The following ANXA2 variants were observed in gnomAD, a reference collection of about 807,000 sequenced individuals.
ANXA2 encodes annexin A2.
In ANXA2, 28 loss-of-function variants were observed where a neutral mutation model predicts 47.3. The ratio of observed to expected loss-of-function variants is 0.59; its 90% CI spans 0.44 to 0.81. ANXA2 has a LOEUF of 0.81. Among genes scored for constraint, ANXA2 ranks in the 40% least tolerant of loss-of-function variants. ANXA2 has a pLI of 0.00. For synonymous variants in ANXA2, 172 were observed against 155.5 expected (o/e 1.11, Z -0.79); for missense variants, 384 against 414.3 (o/e 0.93, Z 0.64).
chr15:60,358,409 T>G (rs769387520), intron 5 of ANXA2, among the ~76,000 whole-genome samples: 1 of 152,214 alleles, frequency 6.6e-6, no homozygotes, highest in Non-Finnish European at 1.5e-5. Flanking sequence ...AACTATCACT[T>G]TGAACTAAGT....
chr15:60,356,037 G>C, intron 6 of ANXA2, 39 bp from the exon 7 acceptor site: 3 of 1,523,850 alleles, frequency 2.0e-6, no homozygotes, highest in Non-Finnish European at 1.8e-6. Flanking sequence ...CTTTCTGCCT[G>C]TGTAGCCAAC....
At chr15:60,353,253 C>T (rs1296082977) in intron 8 of ANXA2, among the ~76,000 whole-genome samples, 2 of 152,130 alleles carry the variant, frequency 1.3e-5, no homozygotes, top group African/African-American at 4.8e-5. Context: ...TCTGAATAAG[C>T]TTAACAAATA....
At chr15:60,366,737 C>T (rs1270238227) in intron 3 of ANXA2, among the ~76,000 whole-genome samples, 87 of 124,894 alleles carry the variant, frequency 7.0e-4, no homozygotes, top group Non-Finnish European at 1.3e-3. Flanking sequence ...CTCCTCTGCC[C>T]GGCCGCCCCT....
intron 2 of ANXA2, 197 bp from the exon 3 acceptor site, chr15:60,382,638 G>C: frequency 2.3e-6 from 1 of 441,686 alleles, no homozygotes; most frequent in South Asian, 2.9e-5. Context: ...TTCTTCAAAG[G>C]CTCAGCTAGT....
intron 7 of ANXA2, chr15:60,355,639 C>T (rs2062416910): frequency 6.0e-6 from 3 of 497,592 alleles, no homozygotes; most frequent in Admixed American, 6.4e-5. Flanking sequence ...CTAAGTCACA[C>T]GGCCAAGGCT....
intron 10 of ANXA2, 185 bp from the exon 11 acceptor site, chr15:60,351,436 T>C: frequency 1.5e-6 from 1 of 666,370 alleles, no homozygotes; most frequent in Non-Finnish European, 2.6e-6. Flanking sequence ...CACCACGGTT[T>C]TAAACCAGGG....
At chr15:60,393,941 T>G (rs1297925801) in intron 1 of ANXA2, among the ~76,000 whole-genome samples, 1 of 152,140 alleles carries the variant, frequency 6.6e-6, no homozygotes, top group Admixed American at 6.5e-5. Flanking sequence ...CAACACACTC[T>G]CCTTCCTCAA....
chr15:60,385,893 GA>G (rs1449993113), intron 2 of ANXA2, 134 bp downstream of exon 2: 1 of 600,436 alleles, frequency 1.7e-6, no homozygotes, highest in Non-Finnish European at 2.9e-6. Context: ...GAAGTATTAA[GA>G]AAGAGGAGAA....
At chr15:60,394,204 A>G (rs1443828093) in intron 1 of ANXA2, among the ~76,000 whole-genome samples, 1 of 152,196 alleles carries the variant, frequency 6.6e-6, no homozygotes, top group Non-Finnish European at 1.5e-5. Context: ...AAGAGGCAGG[A>G]TGTACGAGTG....
At chr15:60,381,548 C>G (rs1204988063) in intron 3 of ANXA2, among the ~76,000 whole-genome samples, 3 of 152,132 alleles carry the variant, frequency 2.0e-5, no homozygotes, top group Non-Finnish European at 4.4e-5. Context: ...TTGCTCAACC[C>G]TAACCAGTTA....
In ANXA2 at chr15:60,393,171, C is replaced by T. The variant is rs868558929; in HGVS notation, c.-12+4772G>A. On this transcript the variant is annotated intron_variant, in intron 1 of 12. Coordinates refer to ENST00000451270, the MANE Select transcript of ANXA2 (RefSeq NM_004039.3). ...GATCAAACTGAGCAGGAGGGACACACAGCACTTGCTCCAGCTTGTCTCTTC... is the reference window on the plus strand; with the variant it reads ...GATCAAACTGAGCAGGAGGGACACATAGCACTTGCTCCAGCTTGTCTCTTC... 4.7e-5 allele frequency: 58 copies of T among 1,237,996 alleles called. No individual in the cohort carries two copies. The Middle Eastern group carries it at 7.9e-3, about 168-fold the overall frequency. The allele number at this position is 1,237,996 out of a possible 1,614,324, so 76.7% of individuals were successfully genotyped here. A position where few individuals can be genotyped will look rare whatever the true frequency, so the allele number is the denominator to read the frequency against.
At chr15:60,381,177 G>GT (rs1566945909) in intron 3 of ANXA2, among the ~76,000 whole-genome samples, 2 of 152,188 alleles carry the variant, frequency 1.3e-5, no homozygotes, top group Non-Finnish European at 2.9e-5. Flanking sequence ...GGTCAGCCTG[G>GT]TTGAGGTTTC....
intron 3 of ANXA2, among the ~76,000 whole-genome samples, chr15:60,370,757 ACT>A (rs1243895981): frequency 1.3e-5 from 2 of 152,132 alleles, no homozygotes; most frequent in South Asian, 2.1e-4. Context: ...CTTGATTTAT[ACT>A]CTCTGACCTC....
chr15:60,370,549 T>A (rs2062697321), intron 3 of ANXA2, among the ~76,000 whole-genome samples: 1 of 152,218 alleles, frequency 6.6e-6, no homozygotes, highest in Non-Finnish European at 1.5e-5. Context: ...TGAAAAATTG[T>A]TCAGTACAGG....
intron 3 of ANXA2, among the ~76,000 whole-genome samples, chr15:60,378,114 A>G (rs768177699): frequency 2.0e-5 from 3 of 152,156 alleles, no homozygotes; most frequent in Non-Finnish European, 4.4e-5. Context: ...AAAGAAAAAA[A>G]AAATGGTTGT....
At chr15:60,353,039 G>A (rs562112092) in intron 8 of ANXA2, among the ~76,000 whole-genome samples, 3 of 152,260 alleles carry the variant, frequency 2.0e-5, no homozygotes, top group South Asian at 2.1e-4. Flanking sequence ...TATTCATTCC[G>A]TGATCTTCCA....
intron 10 of ANXA2, 134 bp from the exon 11 acceptor site, chr15:60,351,385 A>C: frequency 1.2e-6 from 1 of 862,182 alleles, no homozygotes; most frequent in Non-Finnish European, 1.9e-6. Context: ...AAAATAGGAC[A>C]GGCTAAGGGA....
intron 2 of ANXA2, among the ~76,000 whole-genome samples, chr15:60,385,208 G>A (rs1338743029): frequency 6.6e-6 from 1 of 152,140 alleles, no homozygotes; most frequent in Non-Finnish European, 1.5e-5. Context: ...TATATTCTTG[G>A]TTTTTTAAAA....
intron 4 of ANXA2, among the ~76,000 whole-genome samples, chr15:60,362,236 C>G (rs1393715545): frequency 6.6e-6 from 1 of 152,140 alleles, no homozygotes; most frequent in East Asian, 1.9e-4. Context: ...TAACTCCAAA[C>G]TTAGCCTACC....
Sources: gnomAD v4.1 joint callset for allele counts (sites outside exome capture counted in the v4.1 genomes callset) on GRCh38, gnomAD v4.1.1 for gene constraint, MANE v1.5 for transcripts, NCBI Gene and HGNC (gene_info 2026-07-23, HGNC 2026-07-21) for gene names.